Variants in SLC35D1 observed in about 807,000 individuals in gnomAD.
The protein encoded by SLC35D1 is solute carrier family 35 member D1.
Under a neutral mutation model 46.7 loss-of-function variants are expected in SLC35D1, and 31 were observed. The observed-to-expected ratio is 0.66, with a 90% CI of 0.50 to 0.90. The LOEUF (loss-of-function observed/expected upper bound fraction) is 0.90, where lower values mean the gene tolerates loss of function less well. Among genes scored for constraint, SLC35D1 ranks in the 40% least tolerant of loss-of-function variants. The pLI is 0.00. For missense variants in SLC35D1, 397 were observed against 426.2 expected (o/e 0.93, Z 0.60); for synonymous variants, 195 against 164.6 (o/e 1.18, Z -1.41).
intron 10 of SLC35D1, among the ~76,000 whole-genome samples, chr1:67,013,171 C>CATATGTATATATATATATATATATG (rs1484938863): frequency 5.1e-4 from 3 of 5,872 alleles, no homozygotes; most frequent in Admixed American, 1.8e-3. Context: ...TATATATATC[C>CATATGTATATATATATATATATATG]TGTTCTTAAA....
At chr1:66,982,572 G>A in the SLC35D1 span, among the ~76,000 whole-genome samples, 1 of 152,258 alleles carries the variant, frequency 6.6e-6, no homozygotes, top group South Asian at 2.1e-4. Flanking sequence ...TTGATTAAAT[G>A]GTCTTTTTAA....
chr1:66,974,329 A>C, the SLC35D1 span, among the ~76,000 whole-genome samples: 1 of 152,170 alleles, frequency 6.6e-6, no homozygotes, highest in African/African-American at 2.4e-5. Flanking sequence ...CATTCAAGAA[A>C]AGGAGTGCAT....
chr1:66,984,344 G>A, the SLC35D1 span, among the ~76,000 whole-genome samples: 1 of 152,106 alleles, frequency 6.6e-6, no homozygotes, highest in African/African-American at 2.4e-5. Context: ...ACAACCCTGT[G>A]AGGAATATCT....
chr1:67,009,164 T>C lies in SLC35D1; in HGVS notation c.880A>G (p.Ile294Val), dbSNP rs1451800801. The change falls in exon 11 of 12, where the codon ATA (isoleucine) becomes GTA (valine). Residue 294 changes from isoleucine (I) to valine (V), a missense_variant. Physicochemically the swap from Ile to Val is conservative, Grantham distance 29. Transcript: ENST00000235345. ...ACCATTCCAATATAAGTTATTAATA[T>C]ATTCTAAAAATAAAAATAGTAATAT... ...TTTIVGCIKN[I>V]LITYIGMVFG... is the part of the protein sequence containing the mutation. The C allele has an allele frequency of 4.7e-6, 6 of 1,279,208 alleles. No homozygotes were observed. The highest frequency in any genetic ancestry group is 6.6e-6 in the Non-Finnish European group (6 of 907,754). 79.2% of individuals were successfully genotyped at this position (1,279,208 alleles called of 1,614,324 possible).
chr1:67,034,387 T>A (rs953382841), intron 8 of SLC35D1, among the ~76,000 whole-genome samples: 3 of 152,214 alleles, frequency 2.0e-5, no homozygotes, highest in African/African-American at 7.2e-5. Flanking sequence ...TTTATGGCTT[T>A]CACTGTAAAG....
intron 8 of SLC35D1, among the ~76,000 whole-genome samples, chr1:67,023,896 C>T (rs780947966): frequency 5.3e-5 from 8 of 151,862 alleles, no homozygotes; most frequent in Non-Finnish European, 8.8e-5. Context: ...TATACACACA[C>T]ATACATAAAA....
chr1:66,981,767 A>G, the SLC35D1 span: 381,459 of 1,574,258 alleles, frequency 0.24, 48,750 homozygotes, highest in Non-Finnish European at 0.26. Context: ...AAATTGTTTT[A>G]TTAATTTTAA....
chr1:67,031,975 C>T (rs1041287616), intron 8 of SLC35D1: 4 of 798,674 alleles, frequency 5.0e-6, no homozygotes, highest in African/African-American at 1.9e-5. Context: ...AAAACTTCTG[C>T]TTCTAGAGAA....
At chr1:66,984,484 G>C in the SLC35D1 span, 1 of 975,518 alleles carries the variant, frequency 1.0e-6, no homozygotes, top group Non-Finnish European at 1.5e-6. Context: ...TTGCTTCCTT[G>C]ATAACAATAA....
intron 8 of SLC35D1, among the ~76,000 whole-genome samples, chr1:67,022,597 G>A (rs1409334550): frequency 6.6e-6 from 1 of 152,106 alleles, no homozygotes; most frequent in Non-Finnish European, 1.5e-5. Flanking sequence ...TCTATACCAT[G>A]TCTACAGAAT....
intron 10 of SLC35D1, among the ~76,000 whole-genome samples, chr1:67,019,546 T>TA (rs749449287): frequency 2.0e-5 from 3 of 152,300 alleles, no homozygotes; most frequent in Admixed American, 1.3e-4. Flanking sequence ...ACTACAAAGA[T>TA]AAACAGCAGA....
At chr1:67,006,482 G>C (rs2815348) in intron 11 of SLC35D1, among the ~76,000 whole-genome samples, 120,052 of 152,058 alleles carry the variant, frequency 0.79, 47,800 homozygotes, top group East Asian at 0.88. Context: ...CTCTAGCTTC[G>C]CCTTCCCACA....
chr1:67,051,732 A>C (rs914336888), intron 4 of SLC35D1, among the ~76,000 whole-genome samples: 1 of 152,130 alleles, frequency 6.6e-6, no homozygotes, highest in East Asian at 1.9e-4. Context: ...AAATAATAAA[A>C]ATTTCCTATC....
rs1263346858 is a variant in SLC35D1, at chr1:67,004,246, A to C, written c.*94T>G. On this transcript the variant is annotated 3_prime_UTR_variant, in exon 12 of 12. Coordinates refer to ENST00000235345, the MANE Select transcript of SLC35D1 (RefSeq NM_015139.3). ...GTGCAAAGGAATGGTTATTTCCTCC[A>C]TAATCAAGACACCTCAGTGTCTCTG... 4 of 1,046,264 alleles carry C rather than the reference A, an allele frequency of 3.8e-6. No homozygotes were observed. The highest frequency in any genetic ancestry group is 1.3e-5 in the South Asian group (1 of 78,384). The allele number at this position is 1,046,264 out of a possible 1,614,324, so 64.8% of individuals were successfully genotyped here. A position where few individuals can be genotyped will look rare whatever the true frequency, so the allele number is the denominator to read the frequency against.
chr1:66,988,158 A>G, the SLC35D1 span: 1 of 152,322 alleles, frequency 6.6e-6, no homozygotes, highest in African/African-American at 2.4e-5. Flanking sequence ...GGTTTTCCCA[A>G]CTATAATCCA....
the SLC35D1 span, among the ~76,000 whole-genome samples, chr1:66,979,893 T>C: frequency 2.0e-5 from 3 of 151,982 alleles, no homozygotes; most frequent in South Asian, 6.2e-4. Context: ...GCCTCCCGAG[T>C]AGCTGGGATT....
At chr1:67,034,727 AGT>A (rs1411007985) in intron 8 of SLC35D1, among the ~76,000 whole-genome samples, 4 of 152,158 alleles carry the variant, frequency 2.6e-5, no homozygotes, top group African/African-American at 9.6e-5. Flanking sequence ...ACTGAGTAAC[AGT>A]GGTGAAAGTG....
At chr1:66,992,995 C>T in the SLC35D1 span, among the ~76,000 whole-genome samples, 6 of 152,250 alleles carry the variant, frequency 3.9e-5, no homozygotes, top group African/African-American at 1.4e-4. Flanking sequence ...AGTTGTAAGA[C>T]TTGCTCTTTC....
chr1:66,981,540 T>C, the SLC35D1 span, among the ~76,000 whole-genome samples: 1 of 152,314 alleles, frequency 6.6e-6, no homozygotes, highest in African/African-American at 2.4e-5. Flanking sequence ...AGCTTTAAAA[T>C]TTCCTATGGG....
Sources: gnomAD v4.1 joint callset for allele counts (sites outside exome capture counted in the v4.1 genomes callset) on GRCh38, gnomAD v4.1.1 for gene constraint, MANE v1.5 for transcripts, NCBI Gene and HGNC (gene_info 2026-07-23, HGNC 2026-07-21) for gene names.